RCOR1: variants seen among roughly 807,000 people sequenced by gnomAD.
The protein encoded by RCOR1 is REST corepressor.
Under a neutral mutation model 64.0 loss-of-function variants are expected in RCOR1, and 12 were observed. The ratio of observed to expected loss-of-function variants is 0.19; its 90% confidence interval spans 0.12 to 0.30. RCOR1 has a LOEUF of 0.30. Among genes scored for constraint, RCOR1 ranks in the 10% least tolerant of loss-of-function variants. RCOR1 has a pLI of 1.00. For synonymous variants in RCOR1, 279 were observed against 227.2 expected (o/e 1.23, Z -2.05); for missense variants, 502 against 621.2 (o/e 0.81, Z 2.04).
At chr14:102,594,562 T>C (rs1231876986) in intron 2 of RCOR1, among the ~76,000 whole-genome samples, 1 of 152,230 alleles carries the variant, frequency 6.6e-6, no homozygotes, top group African/African-American at 2.4e-5. Flanking sequence ...AATTTTGATT[T>C]GTTGACGTAA....
intron 2 of RCOR1, chr14:102,662,340 A>T (rs1894840694): frequency 1.8e-6 from 1 of 566,504 alleles, no homozygotes; most frequent in Non-Finnish European, 3.4e-6. Context: ...CAGGGTGTTG[A>T]CCGGGCCACA....
rs564812440 is a variant in RCOR1, at chr14:102,693,447, G to A, written c.446-7831G>A. ...CACTGTGTTGCAACTTACTTTGAAA[G>A]CTCTTAAATAACTTGTTTGTATAGC... On this transcript the variant is annotated intron_variant, in intron 3 of 11. Transcript: ENST00000262241. Among the ~76,000 whole-genome samples, 16 of 152,246 alleles carry A rather than the reference G, an allele frequency of 1.1e-4. No individual in the cohort carries two copies. The East Asian group carries it at 2.7e-3, about 26-fold the overall frequency.
chr14:102,628,127 G>T (rs958098398), intron 2 of RCOR1, among the ~76,000 whole-genome samples: 1 of 152,158 alleles, frequency 6.6e-6, no homozygotes, highest in Non-Finnish European at 1.5e-5. Flanking sequence ...AGCTCAAGCA[G>T]TGAGACCCAG....
chr14:102,681,301 G>A (rs543354226), intron 2 of RCOR1, among the ~76,000 whole-genome samples: 1 of 152,278 alleles, frequency 6.6e-6, no homozygotes, highest in African/African-American at 2.4e-5. Flanking sequence ...CCTGTTTCTC[G>A]AGTCTTTGCC....
At chr14:102,708,052 G>T (rs1013326646) in intron 5 of RCOR1, among the ~76,000 whole-genome samples, 3 of 150,660 alleles carry the variant, frequency 2.0e-5, no homozygotes, top group South Asian at 4.2e-4. Context: ...TGAAAGCTCC[G>T]CCTCCCGGGT....
chr14:102,726,214 C>T (rs889529632), intron 11 of RCOR1, among the ~76,000 whole-genome samples: 33 of 151,962 alleles, frequency 2.2e-4, no homozygotes, highest in African/African-American at 7.7e-4. Flanking sequence ...GTAGTTGCGG[C>T]TACTTGAGAG....
At chr14:102,599,616 A>T (rs767141688) in intron 2 of RCOR1, among the ~76,000 whole-genome samples, 2 of 152,104 alleles carry the variant, frequency 1.3e-5, no homozygotes, top group Non-Finnish European at 2.9e-5. Flanking sequence ...CATTGGCTTA[A>T]CTGTCACTTC....
rs779543329 is a variant in RCOR1, at chr14:102,686,291, G to C, written c.445+4313G>C. ...TTTAAAATAGATTTTATATTTTAGA[G>C]ACATTTTAGCTTCACAGCTAAATTG... On this transcript the variant is annotated intron_variant, in intron 3 of 11. Transcript: ENST00000262241. Among the ~76,000 whole-genome samples, 32 of 152,062 alleles carry C rather than the reference G, an allele frequency of 2.1e-4. 1 individual carries two copies. The highest frequency in any genetic ancestry group is 1.4e-3 in the Admixed American group (22 of 15,264).
In RCOR1 at chr14:102,730,076, A is replaced by G. The variant is rs751129842; in HGVS notation, c.*3570A>G. 41 of 398,892 alleles carry G rather than the reference A, an allele frequency of 1.0e-4. No homozygotes were observed. The highest frequency in any genetic ancestry group is 2.2e-4 in the Admixed American group (5 of 22,708). 24.7% of individuals were successfully genotyped at this position (398,892 alleles called of 1,614,324 possible). ...ATTGCAGTGGCGTCGCATTCAGAAG[A>G]AGGGAAGGTCAGCAGAGGCTATGCA... On this transcript the variant is annotated 3_prime_UTR_variant, in exon 12 of 12. Transcript: ENST00000262241.
intron 2 of RCOR1, among the ~76,000 whole-genome samples, chr14:102,672,507 C>T (rs1026740589): frequency 4.6e-5 from 7 of 152,162 alleles, no homozygotes; most frequent in African/African-American, 1.2e-4. Flanking sequence ...CCACCACGCC[C>T]GGCCTCTGGG....
intron 11 of RCOR1, among the ~76,000 whole-genome samples, chr14:102,726,136 G>A (rs1388449540): frequency 1.3e-5 from 2 of 151,860 alleles, no homozygotes; most frequent in South Asian, 2.1e-4. Context: ...AGACCAGCCC[G>A]GCCAACATGG....
rs74082485 is a variant in RCOR1 at position 102,674,585 on chromosome 14, A to G, written c.362-7310A>G. ...AAATGGAATTGCTGGCTTGCAAGGT[A>G]TCCACACGTCCACTTTACTATACAT... On this transcript the variant is annotated intron_variant, in intron 2 of 11. Coordinates refer to ENST00000262241, the MANE Select transcript of RCOR1 (RefSeq NM_015156.4). 6.1e-3 allele frequency among the ~76,000 whole-genome samples: 923 copies of G among 152,318 alleles called. 9 individuals carry two copies. Among genetic ancestry groups the G allele is most frequent in the African/African-American group, 0.021 (891 of 41,574 alleles).
chr14:102,706,752 G>A (rs904789145), intron 4 of RCOR1, among the ~76,000 whole-genome samples: 3 of 151,948 alleles, frequency 2.0e-5, no homozygotes, highest in Non-Finnish European at 4.4e-5. Context: ...GATTGCTTGA[G>A]CCTGGGAGGT....
intron 2 of RCOR1, among the ~76,000 whole-genome samples, chr14:102,635,370 G>T (rs2139914995): frequency 6.6e-6 from 1 of 152,180 alleles, no homozygotes; most frequent in African/African-American, 2.4e-5. Context: ...CGGGTGTCAT[G>T]GCAGGTGCCT....
At chr14:102,611,365 G>A (rs4906238) in intron 2 of RCOR1, among the ~76,000 whole-genome samples, 95,202 of 152,072 alleles carry the variant, frequency 0.63, 30,893 homozygotes, top group South Asian at 0.72. Flanking sequence ...CACCATGCCC[G>A]GCCTCAGCCT....
At chr14:102,718,707 A>C (rs1245688114) in intron 8 of RCOR1, among the ~76,000 whole-genome samples, 1 of 151,852 alleles carries the variant, frequency 6.6e-6, no homozygotes, top group Non-Finnish European at 1.5e-5. Flanking sequence ...ATTGCCACTC[A>C]CTTTCCAGTT....
intron 3 of RCOR1, among the ~76,000 whole-genome samples, chr14:102,699,144 G>A (rs1208034002): frequency 6.6e-6 from 1 of 152,106 alleles, no homozygotes; most frequent in Non-Finnish European, 1.5e-5. Context: ...TTTAGCCTCC[G>A]GAAATGCTGG....
chr14:102,705,828 C>G (rs1456321340), intron 4 of RCOR1, among the ~76,000 whole-genome samples: 1 of 151,756 alleles, frequency 6.6e-6, no homozygotes, highest in Non-Finnish European at 1.5e-5. Flanking sequence ...TATAAATAAT[C>G]AACAAAACAT....
intron 2 of RCOR1, among the ~76,000 whole-genome samples, chr14:102,661,830 C>T (rs1166154799): frequency 6.6e-6 from 1 of 152,202 alleles, no homozygotes; most frequent in Non-Finnish European, 1.5e-5. Flanking sequence ...GATCATGGCT[C>T]ACTGCAGCCT....
Sources: allele counts gnomAD v4.1 joint callset (sites outside exome capture counted in the v4.1 genomes callset), GRCh38; gene constraint gnomAD v4.1.1; transcripts MANE v1.5; gene names NCBI Gene and HGNC (gene_info 2026-07-23, HGNC 2026-07-21).